The following GMDS variants were observed in gnomAD, a reference collection of about 807,000 sequenced individuals.
GMDS encodes GDP-mannose 4,6-dehydratase, also known as GDP-mannose 4,6 dehydratase.
In GMDS, 20 loss-of-function variants were observed where a neutral mutation model predicts 49.9. The observed-to-expected ratio is 0.40, with a 90% CI of 0.28 to 0.58. GMDS has a LOEUF of 0.58. Among genes scored for constraint, GMDS ranks in the 20% least tolerant of loss-of-function variants. GMDS has a pLI of 0.42. For synonymous variants in GMDS, 177 were observed against 178.6 expected, an observed-to-expected ratio of 0.99 and a Z score of 0.07; for missense variants, 362 against 481.4, an observed-to-expected ratio of 0.75 and a Z score of 2.32.
chr6:1,901,607 A>G (rs763390498), intron 7 of GMDS, among the ~76,000 whole-genome samples: 2 of 152,202 alleles, frequency 1.3e-5, no homozygotes, highest in Non-Finnish European at 2.9e-5. Context: ...CTTATATGCT[A>G]GGAGAATTTT....
chr6:1,774,078 T>C (rs983970690), intron 7 of GMDS, among the ~76,000 whole-genome samples: 32 of 152,350 alleles, frequency 2.1e-4, no homozygotes, highest in Admixed American at 1.2e-3. Context: ...ATGACCATTG[T>C]TGCTCCTTAA....
intron 9 of GMDS, among the ~76,000 whole-genome samples, chr6:1,702,260 G>A (rs1364299390): frequency 6.6e-6 from 1 of 152,176 alleles, no homozygotes; most frequent in Non-Finnish European, 1.5e-5. Context: ...GACGTTTAGA[G>A]TGGCAGGAAT....
chr6:1,768,794 T>A (rs866978276), intron 7 of GMDS, among the ~76,000 whole-genome samples: 32 of 152,248 alleles, frequency 2.1e-4, no homozygotes, highest in African/African-American at 7.7e-4. Flanking sequence ...TTGCTTTGAT[T>A]TAAACATGTT....
intron 1 of GMDS, among the ~76,000 whole-genome samples, chr6:2,149,240 T>C (rs1776725046): frequency 6.6e-6 from 1 of 152,206 alleles, no homozygotes; most frequent in African/African-American, 2.4e-5. Context: ...GAAAAATCAT[T>C]GAACAGCCAG....
chr6:1,838,606 T>C (rs973996155), intron 7 of GMDS, among the ~76,000 whole-genome samples: 2 of 152,208 alleles, frequency 1.3e-5, no homozygotes, highest in African/African-American at 4.8e-5. Flanking sequence ...GAACTGTTAT[T>C]AAATGGGATG....
At chr6:1,708,805 C>A (rs562593838) in intron 9 of GMDS, among the ~76,000 whole-genome samples, 1 of 152,344 alleles carries the variant, frequency 6.6e-6, no homozygotes, top group South Asian at 2.1e-4. Flanking sequence ...TCTCTGTACG[C>A]TGCATCTCAC....
At chr6:1,737,779 A>G (rs1767074874) in intron 8 of GMDS, among the ~76,000 whole-genome samples, 1 of 110,886 alleles carries the variant, frequency 9.0e-6, no homozygotes. Context: ...ACACAGATAC[A>G]CATACATACA....
In GMDS at chr6:2,075,291, T is replaced by C. The variant is rs144965783; in HGVS notation, c.345+40480A>G. ...GGAAAGTGGATTTTTTAAATTATAC[T>C]TTAAGTTTTAGGGTACATGTGCACA... is the stretch of plus-strand genomic sequence containing the variant. On this transcript the variant is annotated intron_variant, in intron 4 of 10. Coordinates refer to ENST00000380815, the MANE Select transcript of GMDS (RefSeq NM_001500.4). Among the ~76,000 whole-genome samples the C allele has an allele frequency of 1.2e-3, 183 of 152,276 alleles. 1 individual carries two copies. The highest frequency in any genetic ancestry group is 4.2e-3 in the African/African-American group (175 of 41,558).
chr6:1,820,653 C>A (rs183658327), intron 7 of GMDS, among the ~76,000 whole-genome samples: 32 of 152,280 alleles, frequency 2.1e-4, no homozygotes, highest in Non-Finnish European at 2.9e-4. Context: ...CAGGAATAAG[C>A]AGCACTCATT....
chr6:2,183,543 G>A (rs940855910), intron 1 of GMDS, among the ~76,000 whole-genome samples: 1 of 152,214 alleles, frequency 6.6e-6, no homozygotes, highest in Non-Finnish European at 1.5e-5. Context: ...AAGATGCTAT[G>A]AACATTGTTG....
intron 4 of GMDS, among the ~76,000 whole-genome samples, chr6:1,967,745 G>T (rs181504757): frequency 1.3e-5 from 2 of 152,306 alleles, no homozygotes; most frequent in Admixed American, 1.3e-4. Context: ...CCAGAGAAAT[G>T]AGAGAAAGAT....
chr6:1,986,675 C>T (rs558368775), intron 4 of GMDS, among the ~76,000 whole-genome samples: 1 of 152,100 alleles, frequency 6.6e-6, no homozygotes, highest in Non-Finnish European at 1.5e-5. Context: ...CCCTGAGAAT[C>T]ATGATGACTC....
At chr6:1,799,855 A>T (rs778283557) in intron 7 of GMDS, among the ~76,000 whole-genome samples, 7 of 152,224 alleles carry the variant, frequency 4.6e-5, no homozygotes, top group Non-Finnish European at 1.0e-4. Flanking sequence ...CACACAAGAA[A>T]ACTCAACCAC....
intron 7 of GMDS, among the ~76,000 whole-genome samples, chr6:1,916,830 C>A (rs1180120967): frequency 6.6e-6 from 1 of 151,572 alleles, no homozygotes; most frequent in Admixed American, 6.6e-5. Flanking sequence ...CTGCCACTGA[C>A]AAAAGGCAAT....
chr6:1,732,135 G>T, intron 8 of GMDS, among the ~76,000 whole-genome samples: 1 of 152,136 alleles, frequency 6.6e-6, no homozygotes, highest in Non-Finnish European at 1.5e-5. Flanking sequence ...AGACCATCCT[G>T]GCCAACATGG....
intron 6 of GMDS, among the ~76,000 whole-genome samples, chr6:1,936,322 G>A (rs1481672622): frequency 6.6e-6 from 1 of 152,172 alleles, no homozygotes. Context: ...CTGAAATGGT[G>A]CATTGAGACT....
intron 4 of GMDS, among the ~76,000 whole-genome samples, chr6:2,091,728 T>C (rs1432569234): frequency 6.6e-6 from 1 of 151,984 alleles, no homozygotes; most frequent in Non-Finnish European, 1.5e-5. Context: ...TGGACATCTC[T>C]GCAAAGAAAA....
chr6:1,782,619 T>C (rs1769148615), intron 7 of GMDS, among the ~76,000 whole-genome samples: 1 of 152,240 alleles, frequency 6.6e-6, no homozygotes, highest in African/African-American at 2.4e-5. Flanking sequence ...CATGGCTAAC[T>C]GGCTGATTTT....
chr6:1,633,752 A>G (rs567239886), intron 9 of GMDS, among the ~76,000 whole-genome samples: 1 of 152,160 alleles, frequency 6.6e-6, no homozygotes, highest in African/African-American at 2.4e-5. Flanking sequence ...AGAGGAGCCC[A>G]TGACCACGAG....
Sources: allele counts gnomAD v4.1 joint callset (sites outside exome capture counted in the v4.1 genomes callset), GRCh38; gene constraint gnomAD v4.1.1; transcripts MANE v1.5; gene names NCBI Gene and HGNC (gene_info 2026-07-23, HGNC 2026-07-21).